Variants in PITPNA observed in about 807,000 individuals in gnomAD.
PITPNA encodes phosphatidylinositol transfer protein alpha.
In PITPNA, 13 loss-of-function variants were observed where a neutral mutation model predicts 50.3. The observed-to-expected ratio is 0.26, with a 90% CI of 0.17 to 0.41. The LOEUF is 0.41. Among genes scored for constraint, PITPNA ranks in the 10% least tolerant of loss-of-function variants. The pLI is 1.00. For missense variants in PITPNA, 207 were observed against 333.4 expected, an observed-to-expected ratio of 0.62 and a Z score of 2.95; for synonymous variants, 120 against 119.6, an observed-to-expected ratio of 1.00 and a Z score of -0.02.
At chr17:1,528,738 T>TAA (rs58531367) in intron 10 of PITPNA, among the ~76,000 whole-genome samples, 34 of 139,728 alleles carry the variant, frequency 2.4e-4, no homozygotes, top group African/African-American at 7.5e-4. Context: ...CTGTCTCTCT[T>TAA]AAAAAAAAAA....
At chr17:1,548,224 G>C in intron 4 of PITPNA, 72 bp downstream of exon 4, 1 of 980,940 alleles carries the variant, frequency 1.0e-6, no homozygotes, top group South Asian at 1.5e-5. Flanking sequence ...GGCCTAATCC[G>C]GAACACGCAG....
At chr17:1,536,745 G>A (rs563345783) in intron 7 of PITPNA, among the ~76,000 whole-genome samples, 19 of 145,094 alleles carry the variant, frequency 1.3e-4, no homozygotes, top group Admixed American at 6.9e-4. Flanking sequence ...AGGCGCCTGC[G>A]ACCACGCCAG....
chr17:1,549,141 C>T (rs959548580), intron 3 of PITPNA, among the ~76,000 whole-genome samples: 6 of 151,732 alleles, frequency 4.0e-5, no homozygotes, highest in Non-Finnish European at 7.4e-5. Context: ...CTCCTGACCT[C>T]GTGATCCACC....
intron 7 of PITPNA, 82 bp downstream of exon 7, chr17:1,538,787 G>A (rs2075632188): frequency 2.6e-6 from 2 of 780,356 alleles, no homozygotes; most frequent in South Asian, 3.1e-5. Context: ...GTGCCAAGTT[G>A]GGTATGGTTT....
chr17:1,532,261 T>G (rs929183106), intron 10 of PITPNA, among the ~76,000 whole-genome samples: 1 of 152,036 alleles, frequency 6.6e-6, no homozygotes, highest in Non-Finnish European at 1.5e-5. Flanking sequence ...CTAATTTTTT[T>G]TATTTTTAGT....
intron 10 of PITPNA, among the ~76,000 whole-genome samples, 159 bp downstream of exon 10, chr17:1,533,940 G>A (rs574567262): frequency 4.6e-5 from 7 of 152,064 alleles, no homozygotes; most frequent in Admixed American, 1.3e-4. Context: ...GTTTTCTTCC[G>A]TATAGTGCCC....
chr17:1,542,891 G>C lies in PITPNA; in HGVS notation c.297+129C>G, dbSNP rs888910705. ...CAGGTTCCTTGTTAGTCCACTGACA[G>C]GACTGAGCCTCAGCAACTCCAAACA... On this transcript the variant is annotated intron_variant, in intron 5 of 11. Transcript: ENST00000313486. 1.9e-5 allele frequency: 13 copies of C among 682,990 alleles called. No individual in the cohort carries two copies. The African/African-American group carries it at 2.3e-4, about 12-fold the overall frequency. 42.3% of individuals were successfully genotyped at this position (682,990 alleles called of 1,614,324 possible). A position where few individuals can be genotyped will look rare whatever the true frequency, so the allele number is the denominator to read the frequency against.
intron 3 of PITPNA, among the ~76,000 whole-genome samples, chr17:1,550,589 G>A (rs2075703056): frequency 6.6e-6 from 1 of 151,968 alleles, no homozygotes; most frequent in African/African-American, 2.4e-5. Flanking sequence ...GTGCAGTGGT[G>A]TGATCATGGC....
intron 7 of PITPNA, chr17:1,538,575 T>G (rs1293912415): frequency 4.1e-6 from 1 of 245,152 alleles, no homozygotes; most frequent in East Asian, 8.2e-5. Flanking sequence ...GTGCTCCGAT[T>G]TTTCAGGCTA....
chr17:1,548,734 A>G (rs2075692010), intron 3 of PITPNA, among the ~76,000 whole-genome samples: 1 of 152,072 alleles, frequency 6.6e-6, no homozygotes, highest in Admixed American at 6.6e-5. Flanking sequence ...CACAAAGGAG[A>G]TGCCTCCAAG....
rs2075475056 is a variant in PITPNA, at chr17:1,517,906, C to T, written c.*2655G>A. On this transcript the variant is annotated 3_prime_UTR_variant, in exon 12 of 12. Transcript: ENST00000313486. ...CCTTTGTACCTCTTCCTAATCCTGCCCTGGTAAAATGGCGGTTATCAGTGC... is the reference window on the plus strand; with the variant it reads ...CCTTTGTACCTCTTCCTAATCCTGCTCTGGTAAAATGGCGGTTATCAGTGC... 2 of 152,590 alleles carry T rather than the reference C, an allele frequency of 1.3e-5. No individual in the cohort carries two copies. The highest frequency in any genetic ancestry group is 2.1e-4 in the South Asian group (1 of 4,812). The allele number at this position is 152,590 out of a possible 1,614,324, so 9.5% of individuals were successfully genotyped here.
chr17:1,549,483 AT>A (rs1317040428), intron 3 of PITPNA, among the ~76,000 whole-genome samples: 4 of 146,218 alleles, frequency 2.7e-5, no homozygotes, highest in Non-Finnish European at 3.0e-5. Flanking sequence ...CGCCCGGCTA[AT>A]TTTTTGTATT....
intron 1 of PITPNA, among the ~76,000 whole-genome samples, chr17:1,560,438 C>T (rs1441512165): frequency 2.0e-5 from 3 of 152,082 alleles, no homozygotes; most frequent in Non-Finnish European, 2.9e-5. Flanking sequence ...GATGCACACA[C>T]GGGGCACGAG....
chr17:1,536,180 A>G (rs763853443), intron 7 of PITPNA, among the ~76,000 whole-genome samples: 4 of 152,222 alleles, frequency 2.6e-5, no homozygotes, highest in Non-Finnish European at 4.4e-5. Context: ...TACATTGACT[A>G]ATGTGGGCTC....
chr17:1,528,443 A>C (rs1325308815), intron 10 of PITPNA, among the ~76,000 whole-genome samples: 4 of 152,112 alleles, frequency 2.6e-5, no homozygotes, highest in Non-Finnish European at 4.4e-5. Flanking sequence ...CGTGCCTTAA[A>C]CTGTATTTAA....
intron 6 of PITPNA, 22 bp downstream of exon 6, chr17:1,541,544 G>A (rs2075647936): frequency 1.3e-6 from 2 of 1,577,958 alleles, no homozygotes; most frequent in South Asian, 1.1e-5. Context: ...CACCCCTGGG[G>A]CTTTTGGGAA....
chr17:1,558,572 G>A lies in PITPNA; in HGVS notation c.21-13C>T. On this transcript the variant is annotated splice_polypyrimidine_tract_variant and intron_variant, in intron 1 of 11. Transcript: ENST00000313486. ...CAGGATTACTCGACTATAAGAAAGG[G>A]AAAAGAGAGTATCAACTTTAGGCTG... is the stretch of plus-strand genomic sequence containing the variant. 4 of 1,595,136 alleles carry A rather than the reference G, an allele frequency of 2.5e-6. No individual in the cohort carries two copies. Among genetic ancestry groups the A allele is most frequent in the Non-Finnish European group, 3.4e-6 (4 of 1,164,170 alleles).
At chr17:1,552,910 G>A (rs2075716868) in intron 3 of PITPNA, 94 bp downstream of exon 3, 3 of 1,260,164 alleles carry the variant, frequency 2.4e-6, no homozygotes, top group African/African-American at 1.5e-5. Flanking sequence ...ATAACAATTA[G>A]TATAATCCCA....
intron 10 of PITPNA, among the ~76,000 whole-genome samples, chr17:1,533,574 G>C (rs886142103): frequency 6.6e-6 from 1 of 152,108 alleles, no homozygotes; most frequent in Non-Finnish European, 1.5e-5. Flanking sequence ...GGGTCTTTAG[G>C]CTCCTAAGGA....
Sources: allele counts gnomAD v4.1 joint callset (sites outside exome capture counted in the v4.1 genomes callset), GRCh38; gene constraint gnomAD v4.1.1; transcripts MANE v1.5; gene names NCBI Gene and HGNC (gene_info 2026-07-23, HGNC 2026-07-21).